The following PREX2 variants were observed in gnomAD, a reference collection of about 807,000 sequenced individuals.
PREX2 encodes the protein phosphatidylinositol-3,4,5-trisphosphate dependent Rac exchange factor 2.
A neutral mutation model predicts 203.2 loss-of-function variants in PREX2; 107 were observed. That is an observed-to-expected ratio of 0.53 (90% CI 0.45 to 0.62). The LOEUF (loss-of-function observed/expected upper bound fraction) is 0.62. Among genes scored for constraint, PREX2 ranks in the 20% least tolerant of loss-of-function variants. PREX2 has a pLI of 0.00. For synonymous variants in PREX2, 672 were observed against 663.6 expected, an observed-to-expected ratio of 1.01 and a Z score of -0.19; for missense variants, 1,777 against 1,955.9, an observed-to-expected ratio of 0.91 and a Z score of 1.72.
chr8:68,018,543 C>T (rs916941023), intron 2 of PREX2, among the ~76,000 whole-genome samples: 2 of 151,854 alleles, frequency 1.3e-5, no homozygotes, highest in African/African-American at 2.4e-5. Flanking sequence ...GGAGCTGAGC[C>T]GTATAAGAGG....
At chr8:68,112,582 A>G (rs1201221307) in intron 25 of PREX2, among the ~76,000 whole-genome samples, 1 of 152,160 alleles carries the variant, frequency 6.6e-6, no homozygotes. Context: ...GGGGCACACC[A>G]TAAAAGCCAA....
At chr8:68,116,966 T>C (rs1810671823) in intron 26 of PREX2, among the ~76,000 whole-genome samples, 1 of 152,216 alleles carries the variant, frequency 6.6e-6, no homozygotes, top group Admixed American at 6.5e-5. Flanking sequence ...GATACCTCAC[T>C]GAGGACTGTC....
chr8:67,987,015 C>T (rs1010779530), intron 1 of PREX2, among the ~76,000 whole-genome samples: 6 of 151,610 alleles, frequency 4.0e-5, no homozygotes, highest in South Asian at 2.1e-4. Flanking sequence ...TAGCCGGGCA[C>T]GGTGTCAGGT....
chr8:68,183,944 G>A (rs1490714046), intron 35 of PREX2, among the ~76,000 whole-genome samples: 1 of 152,148 alleles, frequency 6.6e-6, no homozygotes, highest in Admixed American at 6.6e-5. Flanking sequence ...AAATGAAGCT[G>A]TTAATTGGTA....
intron 9 of PREX2, 138 bp from the exon 10 acceptor site, chr8:68,055,692 C>T: frequency 1.4e-6 from 1 of 734,760 alleles, no homozygotes; most frequent in Non-Finnish European, 2.2e-6. Context: ...AACACCAGGG[C>T]ACTATTATAC....
rs534398003 is a variant in PREX2, at chr8:68,059,568, G to A, written c.1239-1111G>A. The stretch of plus-strand genomic sequence containing the variant: ...GTAGTAGAACTTTTCTATGTCTTTT[G>A]GTGTACAGTAGTTTTCTATTGCTGT... On this transcript the variant is annotated intron_variant, in intron 10 of 39. Transcript: ENST00000288368. 2.0e-5 allele frequency among the ~76,000 whole-genome samples: 3 copies of A among 152,246 alleles called. No homozygotes were observed. The South Asian group carries it at 6.2e-4, about 32-fold the overall frequency.
rs559441485 is a variant in PREX2 at position 67,985,829 on chromosome 8, T to C, written c.142-32017T>C. 1.1e-3 allele frequency among the ~76,000 whole-genome samples: 168 copies of C among 152,334 alleles called. 1 individual carries two copies. Among genetic ancestry groups the C allele is most frequent in the Non-Finnish European group, 1.8e-3 (122 of 68,028 alleles). On this transcript the variant is annotated intron_variant, in intron 1 of 39. Transcript: ENST00000288368. The stretch of plus-strand genomic sequence containing the variant: ...GGGGCAACTGTTTCCCTGTGGGCGA[T>C]GGGGCTGCTCCATCCATGCAAGCGA...
chr8:68,067,584 T>C (rs1809056622), intron 11 of PREX2, among the ~76,000 whole-genome samples: 1 of 152,076 alleles, frequency 6.6e-6, no homozygotes, highest in Non-Finnish European at 1.5e-5. Context: ...TTTTTTAATG[T>C]TGACTTTGTA....
chr8:68,057,114 G>T (rs183399525), intron 10 of PREX2, among the ~76,000 whole-genome samples: 1 of 152,216 alleles, frequency 6.6e-6, no homozygotes, highest in African/African-American at 2.4e-5. Context: ...GGATCATGGG[G>T]GTGGCTTCCA....
At chr8:68,123,474 G>A (rs555589645) in intron 30 of PREX2, among the ~76,000 whole-genome samples, 2 of 151,836 alleles carry the variant, frequency 1.3e-5, no homozygotes, top group East Asian at 3.9e-4. Flanking sequence ...AATTAATAAA[G>A]TAGATAGACC....
At chr8:68,068,470 G>C (rs970228353) in intron 11 of PREX2, among the ~76,000 whole-genome samples, 1 of 152,082 alleles carries the variant, frequency 6.6e-6, no homozygotes, top group Admixed American at 6.6e-5. Flanking sequence ...GCATCAGTTA[G>C]ATACTAAATT....
At chr8:68,049,321 T>C (rs1808453662) in intron 8 of PREX2, among the ~76,000 whole-genome samples, 1 of 151,740 alleles carries the variant, frequency 6.6e-6, no homozygotes, top group Non-Finnish European at 1.5e-5. Flanking sequence ...AAGGATTGAA[T>C]ACATTATTTA....
intron 23 of PREX2, among the ~76,000 whole-genome samples, chr8:68,104,754 T>C (rs1386914771): frequency 1.3e-5 from 2 of 152,184 alleles, no homozygotes; most frequent in Non-Finnish European, 2.9e-5. Context: ...TTTACTGATG[T>C]TCCCCAACAT....
chr8:68,088,610 AC>A (rs35831749), intron 19 of PREX2, among the ~76,000 whole-genome samples: 36,997 of 152,132 alleles, frequency 0.24, 4,843 homozygotes, highest in Middle Eastern at 0.35. Context: ...TACTAGCTAG[AC>A]CTTTATTATA....
At chr8:68,219,453 G>T (rs904132634) in intron 38 of PREX2, among the ~76,000 whole-genome samples, 1 of 152,052 alleles carries the variant, frequency 6.6e-6, no homozygotes, top group Admixed American at 6.5e-5. Flanking sequence ...AAACTCAAAA[G>T]TCATGGGTTC....
At chr8:67,953,215 G>C (rs1469602452) in intron 1 of PREX2, among the ~76,000 whole-genome samples, 1 of 126,562 alleles carries the variant, frequency 7.9e-6, no homozygotes, top group Non-Finnish European at 1.5e-5. Flanking sequence ...CTTCTGCTCA[G>C]TTTCTGGTCC....
chr8:68,155,579 A>G (rs1464408912), intron 34 of PREX2, among the ~76,000 whole-genome samples: 1 of 152,228 alleles, frequency 6.6e-6, no homozygotes, highest in Non-Finnish European at 1.5e-5. Flanking sequence ...CTCGTGATTT[A>G]GTTTAGAAAC....
intron 37 of PREX2, among the ~76,000 whole-genome samples, chr8:68,213,234 G>A (rs7014680): frequency 0.28 from 42,272 of 152,120 alleles, 7,229 homozygotes; most frequent in African/African-American, 0.49. Context: ...CGAATTGAAC[G>A]CTACCCAACA....
intron 1 of PREX2, among the ~76,000 whole-genome samples, chr8:67,972,708 C>T (rs1805959727): frequency 6.6e-6 from 1 of 152,126 alleles, no homozygotes; most frequent in African/African-American, 2.4e-5. Context: ...TTTTTTCTAA[C>T]TTTCATTTCT....
Sources: gnomAD v4.1 joint callset for allele counts (sites outside exome capture counted in the v4.1 genomes callset) on GRCh38, gnomAD v4.1.1 for gene constraint, MANE v1.5 for transcripts, NCBI Gene and HGNC (gene_info 2026-07-23, HGNC 2026-07-21) for gene names.